The following PBX3 variants were observed in gnomAD, a reference collection of about 807,000 sequenced individuals.
The protein encoded by PBX3 is pre-B-cell leukemia transcription factor 3.
PBX3 carries 14 observed loss-of-function variants against 48.5 expected under a neutral mutation model. That is an observed-to-expected ratio of 0.29 (90% CI 0.19 to 0.45). The LOEUF (loss-of-function observed/expected upper bound fraction) is 0.45, where lower values mean the gene tolerates loss of function less well. Among genes scored for constraint, PBX3 ranks in the 20% least tolerant of loss-of-function variants. The pLI is 1.00. For missense variants in PBX3, 386 were observed against 546.7 expected (o/e 0.71, Z 2.93); for synonymous variants, 210 against 200.3 (o/e 1.05, Z -0.41).
intron 2 of PBX3, among the ~76,000 whole-genome samples, chr9:125,822,387 C>T (rs901527496): frequency 2.6e-5 from 4 of 152,112 alleles, no homozygotes; most frequent in African/African-American, 9.7e-5. Flanking sequence ...TGGTTTTCCT[C>T]TTGTACACAA....
At chr9:125,949,008 C>T (rs915806931) in intron 5 of PBX3, among the ~76,000 whole-genome samples, 1 of 152,138 alleles carries the variant, frequency 6.6e-6, no homozygotes, top group African/African-American at 2.4e-5. Context: ...CTCAAGCAAT[C>T]TTCCTGCCTC....
intron 2 of PBX3, among the ~76,000 whole-genome samples, chr9:125,851,284 A>G (rs551651705): frequency 6.6e-6 from 1 of 151,954 alleles, no homozygotes; most frequent in South Asian, 2.1e-4. Context: ...GTTAATTAGT[A>G]AAAGAATTTC....
At chr9:125,896,772 C>T (rs975313055) in intron 2 of PBX3, among the ~76,000 whole-genome samples, 2 of 151,940 alleles carry the variant, frequency 1.3e-5, no homozygotes, top group African/African-American at 4.8e-5. Context: ...GTTGTGTCAG[C>T]AGAGAAGCAG....
At position 125,866,890 on chromosome 9, in the gene PBX3, T is replaced by G. The variant is rs549311766; in HGVS notation, c.275-48796T>G. Among the ~76,000 whole-genome samples the G allele has an allele frequency of 3.3e-5, 5 of 152,308 alleles. No individual in the cohort carries two copies. The East Asian group carries it at 9.6e-4, about 29-fold the overall frequency. The stretch of plus-strand genomic sequence containing the variant: ...ATACTGAATTTGATTACTCTTTGAT[T>G]AGGCAACTAAATTTTTTGTCTTACT... On this transcript the variant is annotated intron_variant, in intron 2 of 8. Coordinates refer to ENST00000373489, the MANE Select transcript of PBX3 (RefSeq NM_006195.6).
At position 125,800,258 on chromosome 9, in the gene PBX3, C is replaced by G. The variant is rs375564441; in HGVS notation, c.274+51635C>G. ...TGTCAACAAAAGAGGTTGTATATAT[C>G]AATAATGAGCAAAAGCCAAATTAAG... On this transcript the variant is annotated intron_variant, in intron 2 of 8. Transcript: ENST00000373489. Among the ~76,000 whole-genome samples, 57 of 152,174 alleles carry G rather than the reference C, an allele frequency of 3.7e-4. No homozygotes were observed. The East Asian group carries it at 7.1e-3, about 19-fold the overall frequency.
At chr9:125,782,673 T>G (rs1252169573) in intron 2 of PBX3, among the ~76,000 whole-genome samples, 1 of 152,216 alleles carries the variant, frequency 6.6e-6, no homozygotes, top group African/African-American at 2.4e-5. Context: ...TAGTTTCGAC[T>G]TACTGTTTAG....
chr9:125,767,043 C>T (rs1293866046), intron 2 of PBX3, among the ~76,000 whole-genome samples: 3 of 152,150 alleles, frequency 2.0e-5, no homozygotes, highest in Non-Finnish European at 4.4e-5. Flanking sequence ...TTGAATCAAC[C>T]ACTGATGTGT....
At chr9:125,942,235 A>G (rs1233554208) in intron 5 of PBX3, among the ~76,000 whole-genome samples, 3 of 152,190 alleles carry the variant, frequency 2.0e-5, no homozygotes, top group African/African-American at 7.2e-5. Context: ...AAAGGGGAGA[A>G]ACTGAAGTCT....
chr9:125,928,591 G>C (rs1265659321), intron 3 of PBX3, among the ~76,000 whole-genome samples: 1 of 151,332 alleles, frequency 6.6e-6, no homozygotes, highest in African/African-American at 2.4e-5. Flanking sequence ...TCAGCCTCCC[G>C]AGTAGCTGGG....
At chr9:125,805,584 C>T (rs969074841) in intron 2 of PBX3, among the ~76,000 whole-genome samples, 6 of 152,016 alleles carry the variant, frequency 3.9e-5, no homozygotes, top group South Asian at 2.1e-4. Context: ...GCAGTAAAGA[C>T]GGAGATAAAT....
At chr9:125,869,808 T>C (rs1279482661) in intron 2 of PBX3, among the ~76,000 whole-genome samples, 2 of 151,944 alleles carry the variant, frequency 1.3e-5, no homozygotes, top group Non-Finnish European at 2.9e-5. Context: ...GTAGCAACAA[T>C]AATGAGAAAG....
intron 2 of PBX3, among the ~76,000 whole-genome samples, chr9:125,841,191 G>A (rs1271455917): frequency 2.0e-5 from 3 of 152,134 alleles, no homozygotes; most frequent in African/African-American, 4.8e-5. Context: ...TTATTAAGTA[G>A]TAGAGCTTGG....
chr9:125,863,124 C>T (rs566503017), intron 2 of PBX3, among the ~76,000 whole-genome samples: 2 of 151,782 alleles, frequency 1.3e-5, no homozygotes, highest in Admixed American at 6.6e-5. Flanking sequence ...TCTTGAACTC[C>T]TGGGTTCCAG....
At chr9:125,833,488 C>T (rs1454885317) in intron 2 of PBX3, among the ~76,000 whole-genome samples, 1 of 138,164 alleles carries the variant, frequency 7.2e-6, no homozygotes, top group East Asian at 2.1e-4. Flanking sequence ...GACGCTGTCT[C>T]AAAAAAAAAA....
intron 5 of PBX3, among the ~76,000 whole-genome samples, chr9:125,941,922 T>C (rs1226617243): frequency 2.0e-5 from 3 of 152,242 alleles, no homozygotes; most frequent in African/African-American, 7.2e-5. Flanking sequence ...CTAGGTGTTT[T>C]TAGAATGAAA....
Position 125,929,726 on chromosome 9 carries a change from A to G in PBX3, c.588A>G (p.Pro196=), listed in dbSNP as rs1841672855. 6.8e-6 allele frequency: 11 copies of G among 1,613,860 alleles called. No individual in the cohort carries two copies. Among genetic ancestry groups the G allele is most frequent in the Non-Finnish European group, 9.3e-6 (11 of 1,179,900 alleles). ...AGAGTAGAACACGTCCCATTTCTCC[A>G]AAAGAGATTGAAAGAATGGTGGGCA... The part of the protein sequence containing the change: ...REQSRTRPIS[P]KEIERMVGII... Residue 196 remains proline (P), a synonymous_variant, in exon 4 of 9, where the codon CCA becomes CCG. Coordinates refer to ENST00000373489, the MANE Select transcript of PBX3 (RefSeq NM_006195.6).
intron 2 of PBX3, among the ~76,000 whole-genome samples, chr9:125,755,672 G>GTTTTTTT (rs11310993): frequency 2.4e-4 from 23 of 95,218 alleles, no homozygotes; most frequent in Non-Finnish European, 3.6e-4. Flanking sequence ...GAGGAGCTTT[G>GTTTTTTT]TTTTTTTTTT....
At chr9:125,816,144 G>A (rs1230739046) in intron 2 of PBX3, among the ~76,000 whole-genome samples, 2 of 151,950 alleles carry the variant, frequency 1.3e-5, no homozygotes, top group Non-Finnish European at 2.9e-5. Flanking sequence ...GGACCACCAC[G>A]CCTGGCTAAT....
chr9:125,931,172 A>G (rs1841705880), intron 4 of PBX3, among the ~76,000 whole-genome samples: 1 of 152,222 alleles, frequency 6.6e-6, no homozygotes, highest in Non-Finnish European at 1.5e-5. Flanking sequence ...TGATGGGTCA[A>G]TATGCATAAT....
Sources: gnomAD v4.1 joint callset for allele counts (sites outside exome capture counted in the v4.1 genomes callset) on GRCh38, gnomAD v4.1.1 for gene constraint, MANE v1.5 for transcripts, NCBI Gene and HGNC (gene_info 2026-07-23, HGNC 2026-07-21) for gene names.